Variants in USP16 observed in about 807,000 individuals in gnomAD.
USP16 encodes the protein ubiquitin carboxyl-terminal hydrolase 16.
Under a neutral mutation model 95.9 loss-of-function variants are expected in USP16, and 77 were observed. The ratio of observed to expected loss-of-function variants is 0.80; its 90% confidence interval spans 0.67 to 0.97. The LOEUF is 0.97. Among genes scored for constraint, USP16 ranks in the 50% least tolerant of loss-of-function variants. The pLI, the probability that USP16 is intolerant of heterozygous loss-of-function variation, is 0.00. For synonymous variants in USP16, 303 were observed against 318.2 expected (o/e 0.95, Z 0.51); for missense variants, 943 against 959.9 (o/e 0.98, Z 0.23).
rs1438889316 is a variant in USP16, at chr21:29,047,317, A to G, written c.2007A>G (p.Ile669Met). The change falls in exon 14 of 18, where the codon ATA becomes ATG. Residue 669 changes from isoleucine to methionine, a missense_variant. Transcript: ENST00000399976. Reference sequence around the variant, plus strand: ...AGTGTAATGGACCAAAGGCAAATATAAAAGGTATTTTAATGCTCTCACTGT... The same window carrying G: ...AGTGTAATGGACCAAAGGCAAATATGAAAGGTATTTTAATGCTCTCACTGT... ...RRQCNGPKAN[I>M]KGERKHVYTN... 3.7e-6 allele frequency: 6 copies of G among 1,604,196 alleles called. No homozygotes were observed. Among genetic ancestry groups the G allele is most frequent in the East Asian group, 2.2e-5 (1 of 44,790 alleles).
intron 16 of USP16, chr21:29,052,273 T>C (rs1339557366): frequency 6.6e-6 from 1 of 152,226 alleles, no homozygotes; most frequent in African/African-American, 2.4e-5. Flanking sequence ...GTTTCCATGC[T>C]GCTGATAAAG....
At chr21:29,049,211 G>T (rs571036214) in intron 15 of USP16, among the ~76,000 whole-genome samples, 2 of 152,182 alleles carry the variant, frequency 1.3e-5, no homozygotes, top group South Asian at 2.1e-4. Flanking sequence ...TTGTTTTTAC[G>T]GACCCTTGAT....
chr21:29,044,470 GGTGTC>G (rs2085293523), intron 13 of USP16, among the ~76,000 whole-genome samples: 1 of 125,660 alleles, frequency 8.0e-6, no homozygotes, highest in Non-Finnish European at 1.6e-5. Flanking sequence ...TTTTTGAGAT[GGTGTC>G]TCACTCTGTC....
intron 13 of USP16, 60 bp downstream of exon 13, chr21:29,043,659 G>A (rs1044999702): frequency 7.1e-7 from 1 of 1,403,210 alleles, no homozygotes; most frequent in Non-Finnish European, 9.4e-7. Context: ...TATTGAGTTT[G>A]TAGTCTGAAT....
intron 4 of USP16, among the ~76,000 whole-genome samples, chr21:29,035,468 G>C (rs535675214): frequency 1.3e-5 from 2 of 151,134 alleles, no homozygotes; most frequent in South Asian, 4.2e-4. Flanking sequence ...CCGCCTCCCA[G>C]GTTCAAGCAA....
At chr21:29,026,039 A>G (rs928179663) in intron 1 of USP16, among the ~76,000 whole-genome samples, 3 of 152,246 alleles carry the variant, frequency 2.0e-5, no homozygotes, top group African/African-American at 4.8e-5. Flanking sequence ...TTAGAGTAGA[A>G]TGATTGTCTA....
chr21:29,047,206 A>C lies in USP16; in HGVS notation c.1896A>C (p.Ser632=), dbSNP rs372502740. Residue 632 remains serine, a synonymous_variant, in exon 14 of 18, where the codon TCA becomes TCC. Coordinates refer to ENST00000399976, the MANE Select transcript of USP16 (RefSeq NM_006447.3). The part of the protein sequence containing the change: ...NREVFNTDEC[S]IQHCLYQFTR... Reference sequence around the variant, plus strand: ...AAGTTTTCAATACTGATGAGTGTTCAATCCAACATTGTTTATATCAGTTCA... The same window carrying C: ...AAGTTTTCAATACTGATGAGTGTTCCATCCAACATTGTTTATATCAGTTCA... 5.6e-6 allele frequency: 9 copies of C among 1,614,182 alleles called. No homozygotes were observed. In the African/African-American group the frequency reaches 1.2e-4, roughly 22 times the overall value.
chr21:29,050,106 A>G lies in USP16; in HGVS notation c.2121A>G (p.Leu707=). The G allele has an allele frequency of 6.2e-7, 1 of 1,613,324 alleles. No homozygotes were observed. ...TTCTCTTTTAGGCTGGTTTTAACCT[A>G]CGCAAAGTTAACAAACACATAAAGT... The part of the protein sequence containing the change: ...LKRFQQAGFN[L]RKVNKHIKFP... The change falls in exon 16 of 18, where the codon CTA becomes CTG. Residue 707 remains leucine (L), a synonymous_variant. Transcript: ENST00000399976.
intron 16 of USP16, 46 bp downstream of exon 16, chr21:29,050,224 T>C (rs769293043): frequency 1.3e-6 from 2 of 1,573,304 alleles, no homozygotes; most frequent in Non-Finnish European, 1.7e-6. Flanking sequence ...AAAGTCAAAT[T>C]GTGGCTTACC....
chr21:29,046,036 C>A (rs1601067720), intron 13 of USP16, among the ~76,000 whole-genome samples: 1 of 152,156 alleles, frequency 6.6e-6, no homozygotes, highest in African/African-American at 2.4e-5. Flanking sequence ...GTTGGCCAGG[C>A]TGGTTTCAAA....
At chr21:29,049,073 A>AT (rs2085374512) in intron 15 of USP16, among the ~76,000 whole-genome samples, 1 of 152,164 alleles carries the variant, frequency 6.6e-6, no homozygotes, top group African/African-American at 2.4e-5. Flanking sequence ...GAACTCATTT[A>AT]TGTCCCTCTT....
intron 2 of USP16, among the ~76,000 whole-genome samples, chr21:29,028,897 T>C (rs1030747646): frequency 1.3e-5 from 2 of 152,270 alleles, no homozygotes; most frequent in Non-Finnish European, 2.9e-5. Context: ...GCTAAATCTC[T>C]CTGTACATCC....
At position 29,043,599 on chromosome 21, in the gene USP16, G is replaced by C. The variant is rs753596798; in HGVS notation, c.1356G>C (p.Lys452Asn). 3.9e-6 allele frequency: 6 copies of C among 1,534,372 alleles called. No homozygotes were observed. Among genetic ancestry groups the C allele is most frequent in the Non-Finnish European group, 5.2e-6 (6 of 1,147,754 alleles). Residue 452 changes from lysine to asparagine, a missense_variant and splice_region_variant, in exon 13 of 18, where the codon AAG becomes AAC. Physicochemically the swap from Lys to Asn is moderately conservative, Grantham distance 94. Transcript: ENST00000399976. ...KAKKQAKKQA[K>N]NQRRQQKIQG... ...AGAAACAAGCCAAAAAGCAAGCCAA[G>C]GTGGGTAATTAGGAGGAAAATCATA...
At position 29,027,981 on chromosome 21, in the gene USP16, T is replaced by G. The variant is rs766345858; in HGVS notation, c.61+7T>G. 3 of 1,598,418 alleles carry G rather than the reference T, an allele frequency of 1.9e-6. No individual in the cohort carries two copies. Among genetic ancestry groups the G allele is most frequent in the Non-Finnish European group, 2.6e-6 (3 of 1,166,254 alleles). ...GATTCCTCTGAAACTTTAGGTATAT[T>G]TCATTGATTGAATCTTTAATGTTTA... is the stretch of plus-strand genomic sequence containing the variant. On this transcript the variant is annotated splice_region_variant and intron_variant, in intron 2 of 17. Coordinates refer to ENST00000399976, the MANE Select transcript of USP16 (RefSeq NM_006447.3).
At chr21:29,046,013 G>A (rs1000059833) in intron 13 of USP16, among the ~76,000 whole-genome samples, 4 of 152,052 alleles carry the variant, frequency 2.6e-5, no homozygotes. Context: ...TAGTAGAGAT[G>A]GGTTTTCACC....
intron 5 of USP16, 62 bp downstream of exon 5, chr21:29,036,436 G>A: frequency 6.9e-6 from 10 of 1,444,328 alleles, no homozygotes; most frequent in Non-Finnish European, 9.7e-6. Flanking sequence ...CTGATACTTA[G>A]ATTTGTTATA....
At chr21:29,053,715 C>G in intron 16 of USP16, 87 bp from the exon 17 acceptor site, 1 of 1,363,930 alleles carries the variant, frequency 7.3e-7, no homozygotes, top group Non-Finnish European at 1.0e-6. Context: ...TGGTTAAAGA[C>G]CCTTTGCATA....
chr21:29,051,874 G>A (rs2146402945), intron 16 of USP16, among the ~76,000 whole-genome samples: 1 of 152,018 alleles, frequency 6.6e-6, no homozygotes, highest in East Asian at 1.9e-4. Flanking sequence ...TGGGCATAAT[G>A]GAAGAGGCCG....
chr21:29,034,518 G>A (rs2085124603), intron 3 of USP16, among the ~76,000 whole-genome samples: 1 of 151,926 alleles, frequency 6.6e-6, no homozygotes, highest in African/African-American at 2.4e-5. Flanking sequence ...TCACCATGTT[G>A]GTCAGGCTGG....
Sources: gnomAD v4.1 joint callset for allele counts (sites outside exome capture counted in the v4.1 genomes callset) on GRCh38, gnomAD v4.1.1 for gene constraint, MANE v1.5 for transcripts, NCBI Gene and HGNC (gene_info 2026-07-23, HGNC 2026-07-21) for gene names.